The following FGD4 variants were observed in gnomAD, a reference collection of about 807,000 sequenced individuals.
The protein encoded by FGD4 is FYVE, RhoGEF and PH domain-containing protein 4.
Under a neutral mutation model 102.0 loss-of-function variants are expected in FGD4, and 42 were observed. That is an observed-to-expected ratio of 0.41 (90% CI 0.32 to 0.53). The LOEUF is 0.53. FGD4 is among the 20% of genes least tolerant of loss of function. The pLI, the probability that FGD4 is intolerant of heterozygous loss-of-function variation, is 0.21. For missense variants in FGD4, 902 were observed against 1,078.2 expected (o/e 0.84, Z 2.29); for synonymous variants, 380 against 375.7 (o/e 1.01, Z -0.13).
intron 1 of FGD4, among the ~76,000 whole-genome samples, chr12:32,529,719 T>G (rs1018760281): frequency 6.6e-6 from 1 of 151,712 alleles, no homozygotes; most frequent in East Asian, 1.9e-4. Context: ...GGCCCATACC[T>G]GTAATCCCAG....
chr12:32,462,728 G>A (rs11052012), intron 1 of FGD4, among the ~76,000 whole-genome samples: 16,234 of 152,188 alleles, frequency 0.11, 967 homozygotes, highest in Middle Eastern at 0.29. Context: ...TTCAAAGTGA[G>A]AAGGTTATAT....
At chr12:32,574,794 A>G (rs1261029571) in intron 2 of FGD4, 2 of 152,128 alleles carry the variant, frequency 1.3e-5, no homozygotes, top group Non-Finnish European at 2.9e-5. Flanking sequence ...ATCACTAAAA[A>G]CCAGGGGAAC....
At chr12:32,452,335 A>C (rs1311009197) in intron 1 of FGD4, among the ~76,000 whole-genome samples, 4 of 152,202 alleles carry the variant, frequency 2.6e-5, no homozygotes, top group African/African-American at 9.6e-5. Context: ...CTCAATCGTA[A>C]TGAATCTAGT....
At chr12:32,505,439 A>G (rs866812382) in intron 1 of FGD4, among the ~76,000 whole-genome samples, 8 of 152,314 alleles carry the variant, frequency 5.3e-5, no homozygotes, top group South Asian at 4.1e-4. Context: ...ATGTGTGCCA[A>G]TTGATTTGAG....
At position 32,640,651 on chromosome 12, in the gene FGD4, T is replaced by C. The variant is rs1951116857; in HGVS notation, c.*118T>C. 1 of 1,356,994 alleles carries C rather than the reference T, an allele frequency of 7.4e-7. No homozygotes were observed. Among genetic ancestry groups the C allele is most frequent in the Non-Finnish European group, 1.0e-6 (1 of 971,084 alleles). 84.1% of individuals were successfully genotyped at this position (1,356,994 alleles called of 1,614,324 possible). A position where few individuals can be genotyped will look rare whatever the true frequency, so the allele number is the denominator to read the frequency against. On this transcript the variant is annotated 3_prime_UTR_variant, in exon 17 of 17. Coordinates refer to ENST00000534526, the MANE Select transcript of FGD4 (RefSeq NM_001370298.3). The stretch of plus-strand genomic sequence containing the variant: ...TGAAAAATATAGGCCCATAAATGCA[T>C]CTTTTGAGGACTATTTTCCTATGTT...
chr12:32,632,709 A>AT lies in FGD4; in HGVS notation c.2173-837dup, dbSNP rs1218752600. ...TTTATTTTTATTTATTTATTTATTT[A>AT]TTTATTTTTTTTTTTTGAGACAGGG... On this transcript the variant is annotated intron_variant, in intron 14 of 16. Coordinates refer to ENST00000534526, the MANE Select transcript of FGD4 (RefSeq NM_001370298.3). Among the ~76,000 whole-genome samples the AT allele has an allele frequency of 2.8e-4, 35 of 124,458 alleles. 1 individual carries two copies. Among genetic ancestry groups the AT allele is most frequent in the South Asian group, 1.3e-3 (5 of 3,976 alleles). 81.6% of individuals were successfully genotyped at this position (124,458 alleles called of 152,430 possible).
chr12:32,422,858 TC>T (rs1168042544), intron 1 of FGD4, among the ~76,000 whole-genome samples: 1 of 152,190 alleles, frequency 6.6e-6, no homozygotes, highest in Non-Finnish European at 1.5e-5. Flanking sequence ...TAGATGCTGT[TC>T]TAAGTGCTCC....
chr12:32,475,841 G>A lies in FGD4; in HGVS notation c.166+75882G>A, dbSNP rs1591975398. 3.3e-5 allele frequency among the ~76,000 whole-genome samples: 5 copies of A among 152,266 alleles called. No individual in the cohort carries two copies. The South Asian group carries it at 1.0e-3, about 32-fold the overall frequency. ...GCCCTAAGGCCATTTCTTATTTTGA[G>A]TGGTTTTAAGCTTAGTTACTGAAAA... On this transcript the variant is annotated intron_variant, in intron 1 of 16. Transcript: ENST00000534526.
At chr12:32,622,979 T>A (rs1396527063) in intron 11 of FGD4, among the ~76,000 whole-genome samples, 1 of 152,226 alleles carries the variant, frequency 6.6e-6, no homozygotes. Flanking sequence ...AAAGTGGGTA[T>A]ATATTTGGAG....
chr12:32,446,320 G>A (rs1303918332), intron 1 of FGD4, among the ~76,000 whole-genome samples: 1 of 152,082 alleles, frequency 6.6e-6, no homozygotes, highest in South Asian at 2.1e-4. Flanking sequence ...CTGAGTGTTT[G>A]TGTCGCCCAG....
At chr12:32,605,175 A>AT (rs113627982) in intron 7 of FGD4, among the ~76,000 whole-genome samples, 12,135 of 151,884 alleles carry the variant, frequency 0.08, 1,637 homozygotes, top group African/African-American at 0.28. Flanking sequence ...CTGGCCTCAA[A>AT]TGATTCCCCC....
At position 32,644,121 on chromosome 12, in the gene FGD4, TAACTC is replaced by T. The variant is rs1306846879; in HGVS notation, c.*3591_*3595del. ...GCACATGATATTTATAAGCTAAAATTAACTCAAAAGTCAAGAATGTCTTAATGTTT... is the reference window on the plus strand; with the variant it reads ...GCACATGATATTTATAAGCTAAAATTAAAAGTCAAGAATGTCTTAATGTTT... On this transcript the variant is annotated 3_prime_UTR_variant, in exon 17 of 17. Coordinates refer to ENST00000534526, the MANE Select transcript of FGD4 (RefSeq NM_001370298.3). 4 of 152,164 alleles carry T rather than the reference TAACTC, an allele frequency of 2.6e-5. No individual in the cohort carries two copies. The highest frequency in any genetic ancestry group is 5.9e-5 in the Non-Finnish European group (4 of 67,984). 9.4% of individuals were successfully genotyped at this position (152,164 alleles called of 1,614,324 possible).
intron 14 of FGD4, among the ~76,000 whole-genome samples, chr12:32,630,089 C>G (rs925200553): frequency 6.6e-6 from 1 of 152,190 alleles, no homozygotes; most frequent in African/African-American, 2.4e-5. Context: ...CCATCCCAAG[C>G]TTTGTTTGCT....
intron 1 of FGD4, among the ~76,000 whole-genome samples, chr12:32,411,487 T>A (rs1941205899): frequency 6.6e-6 from 1 of 151,380 alleles, no homozygotes; most frequent in Non-Finnish European, 1.5e-5. Flanking sequence ...TGAGGCGAGA[T>A]CGCGCCGCCA....
At chr12:32,412,899 ATTT>A (rs869107334) in intron 1 of FGD4, among the ~76,000 whole-genome samples, 24 of 86,986 alleles carry the variant, frequency 2.8e-4, no homozygotes, top group African/African-American at 8.2e-4. Flanking sequence ...TTTTCTAGAA[ATTT>A]TTTTTTTTTT....
chr12:32,619,910 G>A, intron 11 of FGD4, 40 bp downstream of exon 11: 1 of 1,608,750 alleles, frequency 6.2e-7, no homozygotes, highest in Non-Finnish European at 8.5e-7. Flanking sequence ...TCCAAAATCA[G>A]GCAACAGAAT....
intron 1 of FGD4, among the ~76,000 whole-genome samples, chr12:32,402,467 G>C (rs1444422485): frequency 6.6e-6 from 1 of 151,912 alleles, no homozygotes; most frequent in Non-Finnish European, 1.5e-5. Flanking sequence ...GTCTCACTGT[G>C]TTGCCCAGGA....
At chr12:32,526,733 ACACT>A (rs1440043466) in intron 1 of FGD4, among the ~76,000 whole-genome samples, 3 of 152,104 alleles carry the variant, frequency 2.0e-5, no homozygotes, top group South Asian at 2.1e-4. Flanking sequence ...ATGAGCTGTA[ACACT>A]CACCGCGAAG....
intron 2 of FGD4, among the ~76,000 whole-genome samples, chr12:32,569,243 C>T (rs1386514725): frequency 6.6e-6 from 1 of 152,140 alleles, no homozygotes; most frequent in Non-Finnish European, 1.5e-5. Flanking sequence ...CCTGCTTCTC[C>T]CCTGTTTTCC....
Sources: gnomAD v4.1 joint callset for allele counts (sites outside exome capture counted in the v4.1 genomes callset) on GRCh38, gnomAD v4.1.1 for gene constraint, MANE v1.5 for transcripts, NCBI Gene and HGNC (gene_info 2026-07-23, HGNC 2026-07-21) for gene names.